Variants in COL27A1 observed in about 807,000 individuals in gnomAD.
COL27A1 encodes the protein collagen type XXVII alpha 1 chain.
COL27A1 carries 106 observed loss-of-function variants against 251.3 expected under a neutral mutation model. The observed-to-expected ratio is 0.42, with a 90% confidence interval of 0.36 to 0.50. The LOEUF is 0.50. Ranked by LOEUF, COL27A1 falls within the 20% of genes least tolerant of loss-of-function variation. The probability of loss-of-function intolerance (pLI) is 0.00; values close to 1 mark genes in which losing one functional copy is unlikely to be tolerated. For synonymous variants in COL27A1, 1,000 were observed against 986.3 expected (o/e 1.01, Z -0.26); for missense variants, 2,325 against 2,522.8 (o/e 0.92, Z 1.68).
chr9:114,237,081 T>C (rs778941240), intron 18 of COL27A1, 47 bp downstream of exon 18: 5 of 1,521,952 alleles, frequency 3.3e-6, no homozygotes, highest in Non-Finnish European at 4.4e-6. Flanking sequence ...ACTCTCCAAC[T>C]GATCGTGTAA....
rs796516498 is a variant in COL27A1, at chr9:114,253,304, A to AAAGAAAGAAAGG, written c.3141+383_3141+384insGAAGAAAGAAAG. Among the ~76,000 whole-genome samples, 83 of 149,216 alleles carry AAAGAAAGAAAGG rather than the reference A, an allele frequency of 5.6e-4. 3 individuals carry two copies. The highest frequency in any genetic ancestry group is 1.8e-3 in the African/African-American group (74 of 40,368). On this transcript the variant is annotated intron_variant, in intron 27 of 60. Transcript: ENST00000356083. ...AAGAAAGAGACAGAGAAAAAGAAAG[A>AAAGAAAGAAAGG]AAGAAAGAAAGAAAGAGAGAGGAAG...
In COL27A1 at chr9:114,253,295, AAAAGAAAG is replaced by A. The variant is rs144800654; in HGVS notation, c.3141+381_3141+388del. On this transcript the variant is annotated intron_variant, in intron 27 of 60. Coordinates refer to ENST00000356083, the MANE Select transcript of COL27A1 (RefSeq NM_032888.4). The stretch of plus-strand genomic sequence containing the variant: ...AGGAAAAGAAAGAAAGAGACAGAGA[AAAAGAAAG>A]AAAGAAAGAAAGAAAGAGAGAGGAA... Among the ~76,000 whole-genome samples, 841 of 140,356 alleles carry A rather than the reference AAAAGAAAG, an allele frequency of 6.0e-3. 6 individuals are homozygous for A. Among genetic ancestry groups the A allele is most frequent in the African/African-American group, 8.5e-3 (295 of 34,826 alleles). The allele number at this position is 140,356 out of a possible 152,430, so 92.1% of individuals were successfully genotyped here.
At position 114,300,651 on chromosome 9, in the gene COL27A1, A is replaced by G. The variant is rs780188969; in HGVS notation, c.4665A>G (p.Lys1555=). Residue 1555 remains lysine, a synonymous_variant, in exon 51 of 61, where the codon AAA becomes AAG. Coordinates refer to ENST00000356083, the MANE Select transcript of COL27A1 (RefSeq NM_032888.4). ...PKGPPGDIGF[K]GIQGPRGPPG... ...GCCCGCCTGGAGACATTGGCTTCAA[A>G]GGCATCCAGGGCCCTCGGGGGCCAC... 15 of 1,526,326 alleles carry G rather than the reference A, an allele frequency of 9.8e-6. No individual in the cohort carries two copies. Among genetic ancestry groups the G allele is most frequent in the Admixed American group, 6.7e-5 (3 of 44,614 alleles). The allele number at this position is 1,526,326 out of a possible 1,614,324, so 94.5% of individuals were successfully genotyped here.
Position 114,264,356 on chromosome 9 carries a change from G to C in COL27A1, c.3197G>C (p.Gly1066Ala). ...GCTAGTCCCTTTTTCCTATTCCAGG[G>C]CCCCCGAGGACCGGACGGACCAGCT... ...PGMRGAKGRR[G>A]PRGPDGPAGE... Residue 1066 changes from glycine (G) to alanine (A), a missense_variant and splice_region_variant, in exon 29 of 61, where the codon GGC becomes GCC. Physicochemically the swap from Gly to Ala is moderately conservative, Grantham distance 60. Transcript: ENST00000356083. 6.3e-7 allele frequency: 1 copy of C among 1,593,956 alleles called. No homozygotes were observed. Among genetic ancestry groups the C allele is most frequent in the Non-Finnish European group, 8.6e-7 (1 of 1,169,398 alleles).
At chr9:114,198,467 T>C (rs1400221708) in intron 7 of COL27A1, among the ~76,000 whole-genome samples, 1 of 152,218 alleles carries the variant, frequency 6.6e-6, no homozygotes, top group Non-Finnish European at 1.5e-5. Context: ...CTGGCTCAGC[T>C]GGTCTGAGTG....
Position 114,206,303 on chromosome 9 carries a change from G to C in COL27A1, c.2268+7G>C. The C allele has an allele frequency of 6.2e-7, 1 of 1,614,118 alleles. No homozygotes were observed. The highest frequency in any genetic ancestry group is 8.5e-7 in the Non-Finnish European group (1 of 1,179,960). Reference sequence around the variant, plus strand: ...CGGCCCCAAAGGCAGCAGGGTAAGTGGTTCCTGGCCAGTGCCACATGGGTG... The same window carrying C: ...CGGCCCCAAAGGCAGCAGGGTAAGTCGTTCCTGGCCAGTGCCACATGGGTG... On this transcript the variant is annotated splice_region_variant and intron_variant, in intron 10 of 60. Coordinates refer to ENST00000356083, the MANE Select transcript of COL27A1 (RefSeq NM_032888.4).
intron 19 of COL27A1, among the ~76,000 whole-genome samples, chr9:114,238,350 G>A (rs78991281): frequency 1.3e-3 from 198 of 152,254 alleles, no homozygotes; most frequent in African/African-American, 4.3e-3. Flanking sequence ...TGACGCCCCC[G>A]TCTTTAACAG....
chr9:114,210,977 T>C lies in COL27A1; in HGVS notation c.2323-5T>C. Reference sequence around the variant, plus strand: ...CCTGACCTCTCCCCTGTCTCTCCCCTGCAGGGCCTGCCTGGCGTTCCTGGC... The same window carrying C: ...CCTGACCTCTCCCCTGTCTCTCCCCCGCAGGGCCTGCCTGGCGTTCCTGGC... On this transcript the variant is annotated splice_region_variant and splice_polypyrimidine_tract_variant and intron_variant, in intron 11 of 60. Transcript: ENST00000356083. The C allele has an allele frequency of 3.7e-6, 6 of 1,614,156 alleles. No individual in the cohort carries two copies. Among genetic ancestry groups the C allele is most frequent in the Non-Finnish European group, 5.1e-6 (6 of 1,180,002 alleles).
chr9:114,158,544 T>C (rs1038712844), intron 1 of COL27A1, among the ~76,000 whole-genome samples: 43 of 152,334 alleles, frequency 2.8e-4, no homozygotes, highest in African/African-American at 9.4e-4. Flanking sequence ...GCCTCTGTGC[T>C]CTGGTCTTCC....
At chr9:114,214,289 G>C (rs1830200081) in intron 12 of COL27A1, among the ~76,000 whole-genome samples, 2 of 152,180 alleles carry the variant, frequency 1.3e-5, no homozygotes, top group African/African-American at 4.8e-5. Context: ...CAGTTTCTAG[G>C]CACTTATTAA....
intron 10 of COL27A1, 66 bp downstream of exon 10, chr9:114,206,362 G>A (rs1829967004): frequency 3.3e-6 from 5 of 1,510,836 alleles, no homozygotes; most frequent in Non-Finnish European, 4.6e-6. Context: ...TCCCTCCAGT[G>A]GGCTTGATGG....
chr9:114,196,811 C>A (rs1007249828), intron 7 of COL27A1, among the ~76,000 whole-genome samples: 1 of 152,022 alleles, frequency 6.6e-6, no homozygotes, highest in Non-Finnish European at 1.5e-5. Flanking sequence ...ACTTACAGTC[C>A]CCCTGGATTT....
chr9:114,282,138 A>C (rs1350663972), intron 37 of COL27A1, 139 bp from the exon 38 acceptor site: 1 of 703,576 alleles, frequency 1.4e-6, no homozygotes, highest in African/African-American at 1.7e-5. Context: ...GCTCAAGGTC[A>C]TGTGGGTACT....
chr9:114,265,062 C>G lies in COL27A1; in HGVS notation c.3295-4C>G, dbSNP rs1834640611. 14 of 1,613,716 alleles carry G rather than the reference C, an allele frequency of 8.7e-6. No homozygotes were observed. Among genetic ancestry groups the G allele is most frequent in the Non-Finnish European group, 1.1e-5 (13 of 1,179,886 alleles). On this transcript the variant is annotated splice_region_variant and splice_polypyrimidine_tract_variant and intron_variant, in intron 30 of 60. Transcript: ENST00000356083. ...CCTGTAATGACCCCCACATGTGCTT[C>G]CAGGGTGTGGCTGGTGAGCGAGGCC...
At chr9:114,309,190 G>A (rs1829272828) in intron 59 of COL27A1, 70 bp from the exon 60 acceptor site, 1 of 1,276,590 alleles carries the variant, frequency 7.8e-7, no homozygotes, top group Non-Finnish European at 1.1e-6. Flanking sequence ...TCCATAGAGA[G>A]GCAGGGAACC....
chr9:114,197,924 G>A (rs1398028544), intron 7 of COL27A1, among the ~76,000 whole-genome samples: 1 of 152,240 alleles, frequency 6.6e-6, no homozygotes, highest in Non-Finnish European at 1.5e-5. Flanking sequence ...CTGACCAGTG[G>A]TGGGGATCAG....
chr9:114,169,979 A>G (rs752178427), intron 3 of COL27A1, among the ~76,000 whole-genome samples: 5 of 152,234 alleles, frequency 3.3e-5, no homozygotes, highest in Non-Finnish European at 5.9e-5. Flanking sequence ...TAAAAATCCA[A>G]TAACTTACTA....
chr9:114,158,680 G>A (rs1848290913), intron 1 of COL27A1, among the ~76,000 whole-genome samples: 1 of 152,200 alleles, frequency 6.6e-6, no homozygotes, highest in African/African-American at 2.4e-5. Context: ...AGCCTAAACA[G>A]GATTGGAACG....
chr9:114,177,707 A>C (rs1827581568), intron 3 of COL27A1, among the ~76,000 whole-genome samples: 1 of 152,204 alleles, frequency 6.6e-6, no homozygotes, highest in Non-Finnish European at 1.5e-5. Flanking sequence ...ATCTGAACCC[A>C]GGCATGTCTG....
Sources: allele counts gnomAD v4.1 joint callset (sites outside exome capture counted in the v4.1 genomes callset), GRCh38; gene constraint gnomAD v4.1.1; transcripts MANE v1.5; gene names NCBI Gene and HGNC (gene_info 2026-07-23, HGNC 2026-07-21).